Variants in GDA observed in about 807,000 individuals in gnomAD.
GDA encodes cytoplasmic PSD-95 interactor.
A neutral mutation model predicts 59.6 loss-of-function variants in GDA; 18 were observed. The observed-to-expected ratio is 0.30, with a 90% CI of 0.21 to 0.45. The LOEUF is 0.45. Ranked by LOEUF, GDA falls within the 20% of genes least tolerant of loss-of-function variation. The pLI is 1.00. For missense variants in GDA, 427 were observed against 552.3 expected (o/e 0.77, Z 2.27); for synonymous variants, 201 against 201.1 (o/e 1.00, Z 0.00).
intron 3 of GDA, among the ~76,000 whole-genome samples, chr9:72,203,176 T>C (rs947779618): frequency 2.0e-5 from 3 of 152,238 alleles, no homozygotes; most frequent in Non-Finnish European, 2.9e-5. Context: ...CACAGGATTC[T>C]CATGATAATT....
At chr9:72,222,422 C>T (rs948183825) in intron 6 of GDA, among the ~76,000 whole-genome samples, 2 of 151,748 alleles carry the variant, frequency 1.3e-5, no homozygotes, top group African/African-American at 4.8e-5. Context: ...TTGTTTTTTT[C>T]TTATAAATTT....
At position 72,202,700 on chromosome 9, in the gene GDA, C is replaced by A. The variant is rs778610772; in HGVS notation, c.342C>A (p.Phe114Leu). ...TKYTFPAEHRFQNIDFAEEVY... is the reference protein window; with the variant it reads ...TKYTFPAEHRLQNIDFAEEVY... Reference sequence around the variant, plus strand: ...ACACATTTCCTGCAGAACACAGATTCCAGAACATCGACTTTGCAGAAGAAG... The same window carrying A: ...ACACATTTCCTGCAGAACACAGATTACAGAACATCGACTTTGCAGAAGAAG... Residue 114 changes from phenylalanine to leucine, a missense_variant, in exon 3 of 14, where the codon TTC becomes TTA. By Grantham distance (22) the Phe-to-Leu change is conservative. Transcript: ENST00000358399. The A allele has an allele frequency of 6.2e-7, 1 of 1,613,764 alleles. No homozygotes were observed. Among genetic ancestry groups the A allele is most frequent in the South Asian group, 1.1e-5 (1 of 91,070 alleles).
intron 1 of GDA, among the ~76,000 whole-genome samples, chr9:72,172,631 C>A (rs1014689445): frequency 4.6e-5 from 7 of 152,150 alleles, no homozygotes; most frequent in Non-Finnish European, 2.9e-5. Flanking sequence ...TCCTCTCTAA[C>A]CCCTACACCA....
At chr9:72,239,545 T>A (rs1015421511) in intron 10 of GDA, among the ~76,000 whole-genome samples, 5 of 152,176 alleles carry the variant, frequency 3.3e-5, no homozygotes, top group African/African-American at 1.2e-4. Context: ...CCATATATTA[T>A]AAAATATAGT....
intron 13 of GDA, among the ~76,000 whole-genome samples, 181 bp downstream of exon 13, chr9:72,247,614 G>T (rs974835992): frequency 6.6e-6 from 1 of 152,020 alleles, no homozygotes; most frequent in Non-Finnish European, 1.5e-5. Context: ...ATTATTTAAA[G>T]GTTCTATTTG....
intron 1 of GDA, among the ~76,000 whole-genome samples, chr9:72,188,044 C>T (rs186610797): frequency 1.6e-4 from 25 of 152,200 alleles, no homozygotes; most frequent in Admixed American, 1.4e-3. Context: ...TACTTTTAAC[C>T]GCTTATAGTA....
chr9:72,223,326 G>A, intron 7 of GDA, 99 bp downstream of exon 7: 1 of 683,170 alleles, frequency 1.5e-6, no homozygotes, highest in South Asian at 1.8e-5. Context: ...GTTTTACTGA[G>A]TAATCTGTTT....
chr9:72,149,814 G>A, intron 1 of GDA, 132 bp downstream of exon 1: 1 of 936,056 alleles, frequency 1.1e-6, no homozygotes, highest in Non-Finnish European at 1.5e-6. Context: ...TTGAACTTGA[G>A]TCTTTGGCTC....
intron 1 of GDA, among the ~76,000 whole-genome samples, chr9:72,125,881 A>G (rs904939652): frequency 3.3e-5 from 5 of 151,986 alleles, no homozygotes; most frequent in South Asian, 2.1e-4. Context: ...CTTTTCTATG[A>G]TTTTGGAAGG....
At chr9:72,174,907 A>G (rs1830383000) in intron 1 of GDA, among the ~76,000 whole-genome samples, 1 of 152,094 alleles carries the variant, frequency 6.6e-6, no homozygotes, top group Non-Finnish European at 1.5e-5. Flanking sequence ...ACAGGAAGAA[A>G]GGAAAAGTGT....
intron 1 of GDA, among the ~76,000 whole-genome samples, chr9:72,156,482 C>T (rs1339138609): frequency 6.6e-6 from 1 of 152,194 alleles, no homozygotes; most frequent in Non-Finnish European, 1.5e-5. Context: ...CTAATCCCTT[C>T]CTTCTGAGGC....
rs556118203 is a variant in GDA, at chr9:72,250,457, A to G, written c.*2115A>G. On this transcript the variant is annotated 3_prime_UTR_variant, in exon 14 of 14. Coordinates refer to ENST00000358399, the MANE Select transcript of GDA (RefSeq NM_004293.5). ...AATTTAGCTCTGATAGTGTGTTAAG[A>G]CCTGAATATCTTTCCTAGTAAAAAT... The G allele has an allele frequency of 1.5e-6, 2 of 1,291,498 alleles. No individual in the cohort carries two copies. The highest frequency in any genetic ancestry group is 3.4e-5 in the South Asian group (2 of 58,594). The allele number at this position is 1,291,498 out of a possible 1,614,324, so 80.0% of individuals were successfully genotyped here. A position where few individuals can be genotyped will look rare whatever the true frequency, so the allele number is the denominator to read the frequency against.
intron 8 of GDA, among the ~76,000 whole-genome samples, chr9:72,226,010 T>C (rs1477680237): frequency 4.7e-5 from 7 of 149,704 alleles, no homozygotes; most frequent in Non-Finnish European, 5.9e-5. Context: ...TGTGTGTGTG[T>C]GTGTGCGTGT....
intron 1 of GDA, among the ~76,000 whole-genome samples, chr9:72,190,023 A>G (rs1832340121): frequency 6.6e-6 from 1 of 152,188 alleles, no homozygotes; most frequent in Non-Finnish European, 1.5e-5. Context: ...GGTCATAGGG[A>G]TGAAGCTCTA....
In GDA at chr9:72,248,533, AG is replaced by A. The variant is rs3830994; in HGVS notation, c.*194del. 434,595 of 1,388,796 alleles carry A rather than the reference AG, an allele frequency of 0.31. 69,886 individuals carry two copies. The highest frequency in any genetic ancestry group is 0.5 in the East Asian group (18,443 of 37,220). 86.0% of individuals were successfully genotyped at this position (1,388,796 alleles called of 1,614,324 possible). ...GCACTAATTCTCAACTCTGGTTGAG[AG>A]GGTTCATAAATTTCATGAAAATATC... On this transcript the variant is annotated 3_prime_UTR_variant, in exon 14 of 14. Coordinates refer to ENST00000358399, the MANE Select transcript of GDA (RefSeq NM_004293.5).
upstream of GDA, among the ~76,000 whole-genome samples, chr9:72,148,921 A>G (rs184105189): frequency 3.9e-5 from 6 of 152,354 alleles, no homozygotes; most frequent in Admixed American, 3.9e-4. Flanking sequence ...ACAAGAACCA[A>G]AAACATTAGC....
At chr9:72,219,360 A>G (rs1288495194) in intron 5 of GDA, 119 bp from the exon 6 acceptor site, 2 of 676,866 alleles carry the variant, frequency 3.0e-6, no homozygotes, top group African/African-American at 1.8e-5. Context: ...CCGAGATCGC[A>G]CCACTTCACT....
At chr9:72,222,601 C>A (rs1251676093) in intron 6 of GDA, among the ~76,000 whole-genome samples, 2 of 152,138 alleles carry the variant, frequency 1.3e-5, no homozygotes, top group African/African-American at 4.8e-5. Context: ...ACTTTTGTTG[C>A]AATTGCTTCT....
chr9:72,176,863 C>T (rs1830593032), intron 1 of GDA, among the ~76,000 whole-genome samples: 1 of 152,148 alleles, frequency 6.6e-6, no homozygotes, highest in South Asian at 2.1e-4. Flanking sequence ...TTCCAGGCTT[C>T]TTCCACATTC....
Sources: allele counts gnomAD v4.1 joint callset (sites outside exome capture counted in the v4.1 genomes callset), GRCh38; gene constraint gnomAD v4.1.1; transcripts MANE v1.5; gene names NCBI Gene and HGNC (gene_info 2026-07-23, HGNC 2026-07-21).